OR56A3: variants seen among roughly 807,000 people sequenced by gnomAD.
The protein encoded by OR56A3 is olfactory receptor family 56 subfamily A member 3, also known as olfactory receptor 56A3.
A neutral mutation model predicts 17.5 loss-of-function variants in OR56A3; 23 were observed. The ratio of observed to expected loss-of-function variants is 1.32; its 90% confidence interval spans 0.95 to 1.87. OR56A3 has a LOEUF of 1.87. Among genes scored for constraint, OR56A3 ranks in the 40% most tolerant of loss-of-function variants. The pLI is 0.00. For missense variants in OR56A3, 366 were observed against 380.1 expected (o/e 0.96, Z 0.31); for synonymous variants, 175 against 150.6 (o/e 1.16, Z -1.19).
chr11:5,968,121 C>T, the OR56A3 span: 202 of 1,613,986 alleles, frequency 1.3e-4, no homozygotes, highest in East Asian at 3.7e-3. Context: ...GGCCACATAG[C>T]GGTCATAGGC....
the OR56A3 span, chr11:6,002,918 G>A: frequency 2.3e-5 from 37 of 1,613,996 alleles, no homozygotes; most frequent in Non-Finnish European, 2.7e-5. Flanking sequence ...AGTGCTGCCA[G>A]CTCTGGAAGT....
the OR56A3 span, among the ~76,000 whole-genome samples, chr11:5,983,915 G>A: frequency 6.6e-6 from 1 of 152,176 alleles, no homozygotes; most frequent in African/African-American, 2.4e-5. Flanking sequence ...ACCTGCATAA[G>A]AGCCTGTGAC....
the OR56A3 span, among the ~76,000 whole-genome samples, chr11:6,005,257 A>T: frequency 6.6e-6 from 1 of 152,200 alleles, no homozygotes; most frequent in Non-Finnish European, 1.5e-5. Context: ...AAGAGCATCA[A>T]AGGACAAAAA....
chr11:5,961,219 C>A, the OR56A3 span, among the ~76,000 whole-genome samples: 1 of 151,970 alleles, frequency 6.6e-6, no homozygotes, highest in Non-Finnish European at 1.5e-5. Context: ...TGAGGAGCCC[C>A]TCTTCCCCGG....
chr11:6,016,128 A>G, the OR56A3 span, among the ~76,000 whole-genome samples: 1 of 152,132 alleles, frequency 6.6e-6, no homozygotes, highest in Non-Finnish European at 1.5e-5. Flanking sequence ...TGCTGTTCTC[A>G]TGATAGTAAA....
At chr11:6,000,215 A>G in the OR56A3 span, 3 of 152,258 alleles carry the variant, frequency 2.0e-5, no homozygotes, top group Non-Finnish European at 4.4e-5. Context: ...AACCAAGCCA[A>G]ATGTCCAACA....
intron 1 of OR56A3, among the ~76,000 whole-genome samples, 185 bp downstream of exon 1, chr11:5,942,559 A>AT (rs1847845324): frequency 6.6e-6 from 1 of 152,238 alleles, no homozygotes. Context: ...GAATATGGAA[A>AT]TTTAGTGGCT....
At chr11:6,017,228 A>G in the OR56A3 span, 2 of 152,236 alleles carry the variant, frequency 1.3e-5, no homozygotes, top group Admixed American at 1.3e-4. Flanking sequence ...AGATAAGCAA[A>G]TGCAAATAAA....
chr11:5,948,498 G>A lies in OR56A3; in HGVS notation c.*204G>A, dbSNP rs559388294. 1.0e-4 allele frequency: 53 copies of A among 531,334 alleles called. 1 individual carries two copies. Among genetic ancestry groups the A allele is most frequent in the South Asian group, 4.1e-4 (13 of 31,814 alleles). 32.9% of individuals were successfully genotyped at this position (531,334 alleles called of 1,614,324 possible). On this transcript the variant is annotated 3_prime_UTR_variant, in exon 3 of 3. Transcript: ENST00000641160. ...TCAGAAATATTCTTGGCCCTCTCTC[G>A]TTTTATTCCATGCTTATAATCATAT... is the stretch of plus-strand genomic sequence containing the variant.
chr11:5,986,041 C>A, the OR56A3 span: 5 of 1,613,720 alleles, frequency 3.1e-6, no homozygotes. Context: ...GAGGAGATAC[C>A]GTGTGGCCAG....
At chr11:6,011,600 A>G in the OR56A3 span, among the ~76,000 whole-genome samples, 1 of 152,160 alleles carries the variant, frequency 6.6e-6, no homozygotes, top group Non-Finnish European at 1.5e-5. Flanking sequence ...TGACAATGTT[A>G]TGGGATCTTT....
At chr11:6,014,647 A>G in the OR56A3 span, among the ~76,000 whole-genome samples, 302 of 152,290 alleles carry the variant, frequency 2.0e-3, no homozygotes, top group Non-Finnish European at 2.8e-3. Flanking sequence ...GGAACCGGGT[A>G]ATGGACAGAT....
At chr11:5,944,329 A>C (rs2134360235) in intron 1 of OR56A3, among the ~76,000 whole-genome samples, 1 of 152,344 alleles carries the variant, frequency 6.6e-6, no homozygotes, top group South Asian at 2.1e-4. Context: ...GACACAATAC[A>C]AAAGGGGAAT....
chr11:6,003,702 A>T, the OR56A3 span, among the ~76,000 whole-genome samples: 20 of 152,004 alleles, frequency 1.3e-4, no homozygotes, highest in Admixed American at 1.2e-3. Flanking sequence ...CCTGAAATCC[A>T]TTTTTTTTCC....
At chr11:5,986,688 C>A in the OR56A3 span, 58 of 1,613,822 alleles carry the variant, frequency 3.6e-5, 1 homozygote, top group South Asian at 6.1e-4. Context: ...CTAGCATGGA[C>A]AGGAAGAGGT....
At chr11:6,017,390 C>T in the OR56A3 span, among the ~76,000 whole-genome samples, 12 of 152,126 alleles carry the variant, frequency 7.9e-5, no homozygotes, top group Admixed American at 2.0e-4. Flanking sequence ...AAGTTTAAAA[C>T]GAAGAAAGAA....
At chr11:5,962,249 T>G in the OR56A3 span, among the ~76,000 whole-genome samples, 2 of 152,226 alleles carry the variant, frequency 1.3e-5, no homozygotes, top group Admixed American at 6.5e-5. Context: ...GGATCTCACT[T>G]GATTGTGGTA....
the OR56A3 span, chr11:6,002,714 C>A: frequency 1.5e-5 from 24 of 1,614,052 alleles, no homozygotes; most frequent in Non-Finnish European, 1.9e-5. Flanking sequence ...AGCTGATCGA[C>A]CTGAGGTCAA....
the OR56A3 span, among the ~76,000 whole-genome samples, chr11:5,970,600 T>A: frequency 6.6e-6 from 1 of 151,674 alleles, no homozygotes. Flanking sequence ...TATGTATTAA[T>A]GCATAGATTT....
Sources: allele counts gnomAD v4.1 joint callset (sites outside exome capture counted in the v4.1 genomes callset), GRCh38; gene constraint gnomAD v4.1.1; transcripts MANE v1.5; gene names NCBI Gene and HGNC (gene_info 2026-07-23, HGNC 2026-07-21).